Variants in MAPRE1 observed in about 807,000 individuals in gnomAD.
MAPRE1 encodes microtubule associated protein RP/EB family member 1, also known as microtubule-associated protein RP/EB family member 1.
In MAPRE1, 5 loss-of-function variants were observed where a neutral mutation model predicts 32.1. The ratio of observed to expected loss-of-function variants is 0.16; its 90% CI spans 0.08 to 0.33. The LOEUF (loss-of-function observed/expected upper bound fraction) is 0.33, where lower values mean the gene tolerates loss of function less well. MAPRE1 is among the 10% of genes least tolerant of loss of function. The probability of loss-of-function intolerance (pLI) is 1.00; values close to 1 mark genes in which losing one functional copy is unlikely to be tolerated. For missense variants in MAPRE1, 209 were observed against 327.2 expected, an observed-to-expected ratio of 0.64 and a Z score of 2.79; for synonymous variants, 122 against 118.9, an observed-to-expected ratio of 1.03 and a Z score of -0.17.
intron 5 of MAPRE1, among the ~76,000 whole-genome samples, chr20:32,842,202 C>T (rs568042011): frequency 1.2e-4 from 19 of 152,298 alleles, no homozygotes; most frequent in East Asian, 7.7e-4. Flanking sequence ...TCTCCTGCTT[C>T]GGCCTCCCCA....
rs567591462 is a variant in MAPRE1, at chr20:32,826,880, C to T, written c.121+832C>T. Among the ~76,000 whole-genome samples the T allele has an allele frequency of 2.8e-3, 421 of 152,074 alleles. 3 individuals carry two copies. Among genetic ancestry groups the T allele is most frequent in the Middle Eastern group, 3.4e-3 (1 of 292 alleles). On this transcript the variant is annotated intron_variant, in intron 2 of 6. Transcript: ENST00000375571. Reference sequence around the variant, plus strand: ...GGTCCACCATCTTCTGCTCTAGAGACTGCATTCTGAGGCCTGAAGCTCAGC... The same window carrying T: ...GGTCCACCATCTTCTGCTCTAGAGATTGCATTCTGAGGCCTGAAGCTCAGC...
intron 1 of MAPRE1, among the ~76,000 whole-genome samples, chr20:32,822,380 G>A (rs550657177): frequency 2.9e-4 from 44 of 152,286 alleles, no homozygotes; most frequent in African/African-American, 1.1e-3. Context: ...GGCACTTGCT[G>A]TGATTTGTGA....
chr20:32,848,677 C>T lies in MAPRE1; in HGVS notation c.756C>T (p.Gly252=), dbSNP rs1323998827. The T allele has an allele frequency of 5.6e-6, 9 of 1,612,702 alleles. No homozygotes were observed. Among genetic ancestry groups the T allele is most frequent in the Non-Finnish European group, 6.8e-6 (8 of 1,179,336 alleles). The change falls in exon 7 of 7, where the codon GGC becomes GGT. Residue 252 remains glycine (G), a synonymous_variant. Coordinates refer to ENST00000375571, the MANE Select transcript of MAPRE1 (RefSeq NM_012325.3). The stretch of plus-strand genomic sequence containing the variant: ...CTCTCATTTTCCTATTTCAGGAAGG[C>T]TTTGTGATACCTGATGAAGGGGGCC... ...IVDILYATDE[G]FVIPDEGGPQ... is the part of the protein sequence containing the mutation.
intron 5 of MAPRE1, among the ~76,000 whole-genome samples, chr20:32,846,343 A>C (rs1983504755): frequency 1.3e-5 from 2 of 152,170 alleles, no homozygotes; most frequent in Non-Finnish European, 2.9e-5. Context: ...AGGCTTCCCT[A>C]GTTTTTTCTC....
At position 32,839,754 on chromosome 20, in the gene MAPRE1, A is replaced by G. The variant is rs1369359195; in HGVS notation, c.495A>G (p.Ser165=). The G allele has an allele frequency of 1.9e-6, 3 of 1,614,116 alleles. No individual in the cohort carries two copies. Among genetic ancestry groups the G allele is most frequent in the Middle Eastern group, 1.7e-4 (1 of 6,052 alleles). The part of the protein sequence containing the change: ...SSSAAPQRPI[S]TQRTAAAPKA... ...TTTCAGCTCCCCAGAGGCCCATCTC[A>G]ACACAGAGAACCGCTGCGGCTCCTA... The change falls in exon 5 of 7, where the codon TCA becomes TCG. Residue 165 remains serine (S), a synonymous_variant. Coordinates refer to ENST00000375571, the MANE Select transcript of MAPRE1 (RefSeq NM_012325.3).
chr20:32,825,858 G>T, intron 1 of MAPRE1, 67 bp from the exon 2 acceptor site: 1 of 1,395,684 alleles, frequency 7.2e-7, no homozygotes. Context: ...GACTCTCTAG[G>T]AAACACTTGA....
At chr20:32,823,385 C>A (rs1982754052) in intron 1 of MAPRE1, among the ~76,000 whole-genome samples, 1 of 152,024 alleles carries the variant, frequency 6.6e-6, no homozygotes, top group African/African-American at 2.4e-5. Flanking sequence ...TGCCCCTCCC[C>A]ACTGGTAATG....
rs112403438 is a variant in MAPRE1 at position 32,846,612 on chromosome 20, G to T, written c.598-6G>T. On this transcript the variant is annotated splice_polypyrimidine_tract_variant and splice_region_variant and intron_variant, in intron 5 of 6. Transcript: ENST00000375571. ...AGCATCTCACCCTTTTTAATGTCTTGTGCAGGTCAACGTATTGAAACTTAC... is the reference window on the plus strand; with the variant it reads ...AGCATCTCACCCTTTTTAATGTCTTTTGCAGGTCAACGTATTGAAACTTAC... 1.2e-6 allele frequency: 2 copies of T among 1,613,642 alleles called. No homozygotes were observed. Among genetic ancestry groups the T allele is most frequent in the South Asian group, 1.1e-5 (1 of 91,058 alleles).
At chr20:32,827,209 C>T (rs1010347992) in intron 2 of MAPRE1, among the ~76,000 whole-genome samples, 1 of 151,878 alleles carries the variant, frequency 6.6e-6, no homozygotes, top group Non-Finnish European at 1.5e-5. Context: ...AGTTCAAGAC[C>T]AGCTTGGCCG....
intron 1 of MAPRE1, among the ~76,000 whole-genome samples, chr20:32,825,705 G>A (rs190805169): frequency 5.6e-4 from 86 of 152,258 alleles, no homozygotes; most frequent in African/African-American, 2.0e-3. Context: ...TGAGGCAGGA[G>A]AATTACTTGA....
intron 3 of MAPRE1, among the ~76,000 whole-genome samples, chr20:32,836,125 A>AT (rs1396962572): frequency 6.7e-6 from 1 of 150,292 alleles, no homozygotes; most frequent in Non-Finnish European, 1.5e-5. Flanking sequence ...CACCTGCCTA[A>AT]TTTTTTTGTA....
Position 32,836,742 on chromosome 20 carries a change from C to T in MAPRE1, c.376C>T (p.Pro126Ser). The change falls in exon 4 of 7, where the codon CCT (proline) becomes TCT (serine). Residue 126 changes from proline (P) to serine (S), a missense_variant. Physicochemically the swap from Pro to Ser is moderately conservative, Grantham distance 74. Transcript: ENST00000375571. ...DANYDGKDYDPVAARQGQETA... is the reference protein window; with the variant it reads ...DANYDGKDYDSVAARQGQETA... ...AAACTATGATGGAAAAGACTATGAC[C>T]CTGTGGCTGCCAGACAAGGTCAAGA... 1 of 1,613,932 alleles carries T rather than the reference C, an allele frequency of 6.2e-7. No homozygotes were observed.
chr20:32,826,138 C>G (rs1326855179), intron 2 of MAPRE1, 90 bp downstream of exon 2: 3 of 1,301,938 alleles, frequency 2.3e-6, no homozygotes, highest in Middle Eastern at 3.9e-4. Context: ...AAGCCACACA[C>G]AGAGGTTCAG....
intron 2 of MAPRE1, among the ~76,000 whole-genome samples, chr20:32,829,640 C>T (rs764308417): frequency 1.3e-5 from 2 of 152,192 alleles, no homozygotes; most frequent in Non-Finnish European, 2.9e-5. Context: ...CTCCACTAAA[C>T]ACAGCTTTAC....
At chr20:32,826,236 T>TTTTTTTTTTGA (rs1491215602) in intron 2 of MAPRE1, among the ~76,000 whole-genome samples, 188 bp downstream of exon 2, 2,041 of 104,604 alleles carry the variant, frequency 0.02, 100 homozygotes, top group African/African-American at 0.079. Flanking sequence ...TTTTTTTTTT[T>TTTTTTTTTTGA]GACAGAGTCT....
At chr20:32,845,678 T>C (rs957620108) in intron 5 of MAPRE1, among the ~76,000 whole-genome samples, 5 of 152,204 alleles carry the variant, frequency 3.3e-5, no homozygotes, top group African/African-American at 9.7e-5. Flanking sequence ...AGATGGAGCC[T>C]TGCTATGTTG....
Position 32,835,151 on chromosome 20 carries a change from G to A in MAPRE1, c.267+1289G>A, listed in dbSNP as rs148149267. Among the ~76,000 whole-genome samples the A allele has an allele frequency of 1.7e-3, 264 of 152,188 alleles. 1 individual carries two copies. The highest frequency in any genetic ancestry group is 5.8e-3 in the African/African-American group (242 of 41,510). ...GAGGCAGGAGCATCATTTGAACTCA[G>A]GAGTTTGAGGCAGCAGTGAGCTATG... On this transcript the variant is annotated intron_variant, in intron 3 of 6. Transcript: ENST00000375571.
At chr20:32,842,169 T>C (rs1284748434) in intron 5 of MAPRE1, among the ~76,000 whole-genome samples, 1 of 152,178 alleles carries the variant, frequency 6.6e-6, no homozygotes, top group African/African-American at 2.4e-5. Context: ...CACTGCAAGC[T>C]CCGCCTCCTG....
chr20:32,845,340 C>A (rs1164389126), intron 5 of MAPRE1, among the ~76,000 whole-genome samples: 1 of 152,052 alleles, frequency 6.6e-6, no homozygotes, highest in African/African-American at 2.4e-5. Context: ...GGCAGCTGGC[C>A]CCTCTAGTAC....
Sources: allele counts gnomAD v4.1 joint callset (sites outside exome capture counted in the v4.1 genomes callset), GRCh38; gene constraint gnomAD v4.1.1; transcripts MANE v1.5; gene names NCBI Gene and HGNC (gene_info 2026-07-23, HGNC 2026-07-21).